RARB: variants seen among roughly 807,000 people sequenced by gnomAD.
RARB encodes HBV-activated protein.
In RARB, 17 loss-of-function variants were observed where a neutral mutation model predicts 51.9. The observed-to-expected ratio is 0.33, with a 90% CI of 0.22 to 0.49. The LOEUF (loss-of-function observed/expected upper bound fraction) is 0.49, where lower values mean the gene tolerates loss of function less well. Among genes scored for constraint, RARB ranks in the 20% least tolerant of loss-of-function variants. The pLI is 0.99. For missense variants in RARB, 369 were observed against 550.8 expected (o/e 0.67, Z 3.30); for synonymous variants, 215 against 195.4 (o/e 1.10, Z -0.84).
At chr3:24,850,543 T>G (rs1702542419) in intron 1 of RARB, among the ~76,000 whole-genome samples, 1 of 152,204 alleles carries the variant, frequency 6.6e-6, no homozygotes, top group Non-Finnish European at 1.5e-5. Flanking sequence ...GAGATTTTGT[T>G]GTTTAATAGG....
intron 3 of RARB, among the ~76,000 whole-genome samples, chr3:25,126,256 G>C (rs1343950635): frequency 6.6e-6 from 1 of 151,930 alleles, no homozygotes; most frequent in Non-Finnish European, 1.5e-5. Flanking sequence ...CAGTATTTCT[G>C]ACCACAAAAC....
At chr3:25,135,166 C>A (rs992244766) in intron 4 of RARB, among the ~76,000 whole-genome samples, 1 of 151,076 alleles carries the variant, frequency 6.6e-6, no homozygotes, top group Non-Finnish European at 1.5e-5. Context: ...TTCGATCCAT[C>A]GATAGAGTAG....
intron 5 of RARB, among the ~76,000 whole-genome samples, chr3:25,416,619 T>C (rs1179661957): frequency 6.6e-6 from 1 of 152,180 alleles, no homozygotes; most frequent in Admixed American, 6.5e-5. Context: ...GCCACTACGA[T>C]CACGCAGCTC....
intron 5 of RARB, among the ~76,000 whole-genome samples, chr3:25,333,799 A>G (rs1186278666): frequency 6.6e-6 from 1 of 152,266 alleles, no homozygotes; most frequent in Non-Finnish European, 1.5e-5. Flanking sequence ...GCTAATGTCC[A>G]GAATCTACAA....
chr3:25,134,048 T>A (rs1264166630), intron 4 of RARB, among the ~76,000 whole-genome samples: 1 of 151,830 alleles, frequency 6.6e-6, no homozygotes, highest in Admixed American at 6.6e-5. Flanking sequence ...GCTCTTCTAT[T>A]TTTTGTTATA....
intron 3 of RARB, among the ~76,000 whole-genome samples, chr3:25,557,495 T>C (rs1002679922): frequency 6.6e-6 from 1 of 152,144 alleles, no homozygotes; most frequent in Non-Finnish European, 1.5e-5. Context: ...TCCACTTGGG[T>C]GGCACATGGG....
At chr3:25,036,456 A>T (rs1490058913) in intron 2 of RARB, among the ~76,000 whole-genome samples, 1 of 152,226 alleles carries the variant, frequency 6.6e-6, no homozygotes, top group African/African-American at 2.4e-5. Context: ...AGAAACAACT[A>T]GACTAATAGA....
At chr3:25,049,093 G>T (rs886876866) in intron 2 of RARB, among the ~76,000 whole-genome samples, 9 of 152,096 alleles carry the variant, frequency 5.9e-5, no homozygotes, top group African/African-American at 2.2e-4. Context: ...TTATATAATT[G>T]CCCCTGATAC....
chr3:25,021,990 A>G (rs1202899022), intron 2 of RARB, among the ~76,000 whole-genome samples: 1 of 152,184 alleles, frequency 6.6e-6, no homozygotes, highest in African/African-American at 2.4e-5. Context: ...AATTACATGG[A>G]GCTTGCAGTC....
At chr3:25,532,985 T>C (rs1339457383) in intron 3 of RARB, among the ~76,000 whole-genome samples, 1 of 152,214 alleles carries the variant, frequency 6.6e-6, no homozygotes, top group Non-Finnish European at 1.5e-5. Flanking sequence ...ACTGAGGTCA[T>C]GCCAAACTTG....
chr3:25,472,248 C>T (rs1695733875), intron 2 of RARB, among the ~76,000 whole-genome samples: 1 of 152,186 alleles, frequency 6.6e-6, no homozygotes, highest in Admixed American at 6.5e-5. Context: ...AGTGCTGCAG[C>T]TTGTCATCCT....
At chr3:25,316,145 T>A (rs1335372428) in intron 5 of RARB, among the ~76,000 whole-genome samples, 1 of 152,206 alleles carries the variant, frequency 6.6e-6, no homozygotes, top group Non-Finnish European at 1.5e-5. Context: ...AAGCTTTTTT[T>A]ATGAGGCACC....
At chr3:24,908,092 G>T (rs1407633975) in intron 2 of RARB, among the ~76,000 whole-genome samples, 1 of 152,090 alleles carries the variant, frequency 6.6e-6, no homozygotes, top group African/African-American at 2.4e-5. Context: ...GTATGTATAA[G>T]TGCTGTACCA....
chr3:25,198,173 A>C (rs1301968726), intron 5 of RARB, among the ~76,000 whole-genome samples: 5 of 152,124 alleles, frequency 3.3e-5, no homozygotes, highest in Non-Finnish European at 7.4e-5. Flanking sequence ...TACATTTTGG[A>C]AGGTACAATC....
At position 25,459,734 on chromosome 3, in the gene RARB, T is replaced by A. The variant is rs77689904; in HGVS notation, c.158-1459T>A. 6.5e-3 allele frequency among the ~76,000 whole-genome samples: 996 copies of A among 152,280 alleles called. 9 individuals are homozygous for A. Among genetic ancestry groups the A allele is most frequent in the African/African-American group, 0.023 (944 of 41,562 alleles). Reference sequence around the variant, plus strand: ...TGCTAAAAGCTTGCCTGCAGGATAATCCAGTCAGGAGAATATCTACTCTGG... The same window carrying A: ...TGCTAAAAGCTTGCCTGCAGGATAAACCAGTCAGGAGAATATCTACTCTGG... On this transcript the variant is annotated intron_variant, in intron 1 of 7. Coordinates refer to ENST00000330688, the MANE Select transcript of RARB (RefSeq NM_000965.5).
At chr3:25,273,354 A>G (rs1358711522) in intron 5 of RARB, among the ~76,000 whole-genome samples, 1 of 152,226 alleles carries the variant, frequency 6.6e-6, no homozygotes, top group Non-Finnish European at 1.5e-5. Flanking sequence ...AGAAATGTTT[A>G]CAAGTAACCT....
At chr3:25,142,860 G>A (rs1158627397) in intron 4 of RARB, among the ~76,000 whole-genome samples, 3 of 152,210 alleles carry the variant, frequency 2.0e-5, no homozygotes, top group Admixed American at 6.5e-5. Flanking sequence ...AGGAATTGCC[G>A]TCTTCAGTAA....
At chr3:25,153,778 T>A (rs966765482) in intron 4 of RARB, among the ~76,000 whole-genome samples, 1 of 152,190 alleles carries the variant, frequency 6.6e-6, no homozygotes, top group Non-Finnish European at 1.5e-5. Context: ...CAGCCCTGTT[T>A]TGATTTTTGA....
intron 5 of RARB, among the ~76,000 whole-genome samples, chr3:25,233,984 G>A (rs1287274934): frequency 6.6e-6 from 1 of 151,922 alleles, no homozygotes; most frequent in Non-Finnish European, 1.5e-5. Flanking sequence ...TTTTGTTGGA[G>A]ATTTTGAAGG....
Sources: allele counts gnomAD v4.1 joint callset (sites outside exome capture counted in the v4.1 genomes callset), GRCh38; gene constraint gnomAD v4.1.1; transcripts MANE v1.5; gene names NCBI Gene and HGNC (gene_info 2026-07-23, HGNC 2026-07-21).